Variants in LGR5 observed in about 807,000 individuals in gnomAD.
LGR5 encodes leucine-rich repeat-containing G protein-coupled receptor 5.
LGR5 carries 54 observed loss-of-function variants against 76.7 expected under a neutral mutation model. That is an observed-to-expected ratio of 0.70 (90% CI 0.57 to 0.88). The LOEUF (loss-of-function observed/expected upper bound fraction) is 0.88. Among genes scored for constraint, LGR5 ranks in the 40% least tolerant of loss-of-function variants. The pLI is 0.00. For synonymous variants in LGR5, 406 were observed against 421.9 expected (o/e 0.96, Z 0.46); for missense variants, 1,078 against 1,073.3 (o/e 1.00, Z -0.06).
intron 1 of LGR5, among the ~76,000 whole-genome samples, chr12:71,467,655 G>T (rs1872919920): frequency 6.6e-6 from 1 of 152,144 alleles, no homozygotes; most frequent in African/African-American, 2.4e-5. Context: ...TAGAATGATG[G>T]TAGAGATCAA....
intron 17 of LGR5, 182 bp from the exon 18 acceptor site, chr12:71,583,465 C>T: frequency 3.0e-6 from 2 of 664,068 alleles, no homozygotes; most frequent in Non-Finnish European, 5.2e-6. Flanking sequence ...CCAGCCAGTG[C>T]TGCAGAAGAT....
intron 11 of LGR5, among the ~76,000 whole-genome samples, chr12:71,569,218 C>G (rs932342651): frequency 1.1e-4 from 16 of 152,190 alleles, no homozygotes; most frequent in African/African-American, 3.9e-4. Context: ...AGAAGAAAAT[C>G]TAGTCAATGT....
chr12:71,458,276 T>C (rs1397868008), intron 1 of LGR5, among the ~76,000 whole-genome samples: 1 of 152,162 alleles, frequency 6.6e-6, no homozygotes, highest in Non-Finnish European at 1.5e-5. Context: ...AAAGTGTGTA[T>C]TTCAAGTCAG....
At chr12:71,445,243 G>A (rs770096106) in intron 1 of LGR5, among the ~76,000 whole-genome samples, 2 of 152,178 alleles carry the variant, frequency 1.3e-5, no homozygotes, top group African/African-American at 2.4e-5. Flanking sequence ...CCTCACTCCA[G>A]TTGCAATATT....
At chr12:71,519,314 G>A (rs527930282) in intron 2 of LGR5, among the ~76,000 whole-genome samples, 3 of 152,134 alleles carry the variant, frequency 2.0e-5, no homozygotes, top group East Asian at 1.9e-4. Flanking sequence ...ATAATAGCAC[G>A]TCACCGCCAC....
chr12:71,557,191 G>A (rs749925913), intron 6 of LGR5, among the ~76,000 whole-genome samples: 3 of 152,192 alleles, frequency 2.0e-5, no homozygotes, highest in South Asian at 2.1e-4. Context: ...AAGCCAATGC[G>A]GGAGGATCGC....
intron 1 of LGR5, among the ~76,000 whole-genome samples, chr12:71,461,921 C>T (rs902527738): frequency 5.3e-5 from 8 of 152,126 alleles, no homozygotes; most frequent in African/African-American, 1.4e-4. Flanking sequence ...AAGAATCCAG[C>T]CTTAAATGCA....
intron 11 of LGR5, among the ~76,000 whole-genome samples, chr12:71,570,225 A>G (rs1032211685): frequency 1.3e-5 from 2 of 152,184 alleles, no homozygotes; most frequent in African/African-American, 2.4e-5. Flanking sequence ...TACCTAGGTG[A>G]TGGGCTGATA....
chr12:71,551,189 C>T (rs1487388046), intron 4 of LGR5, among the ~76,000 whole-genome samples: 1 of 152,184 alleles, frequency 6.6e-6, no homozygotes, highest in Non-Finnish European at 1.5e-5. Context: ...AAATGTGGCC[C>T]AAGGAGGGCC....
intron 4 of LGR5, among the ~76,000 whole-genome samples, chr12:71,544,784 A>C (rs1356293549): frequency 6.6e-6 from 1 of 152,224 alleles, no homozygotes; most frequent in Non-Finnish European, 1.5e-5. Flanking sequence ...ATATATGCAG[A>C]TACAGAACCA....
intron 1 of LGR5, among the ~76,000 whole-genome samples, chr12:71,477,781 A>T (rs753697099): frequency 6.6e-6 from 1 of 152,136 alleles, no homozygotes; most frequent in African/African-American, 2.4e-5. Context: ...GCATGCCCCA[A>T]CTCTAGGGCA....
At chr12:71,543,575 T>A (rs776868023) in intron 4 of LGR5, among the ~76,000 whole-genome samples, 43 of 152,136 alleles carry the variant, frequency 2.8e-4, no homozygotes, top group Non-Finnish European at 5.9e-4. Context: ...GCTTTGAATA[T>A]CAGAATGGAA....
intron 1 of LGR5, among the ~76,000 whole-genome samples, chr12:71,503,891 A>C (rs1019539590): frequency 6.6e-6 from 1 of 151,184 alleles, no homozygotes; most frequent in African/African-American, 2.4e-5. Context: ...AATAGGGGGG[A>C]AAAAAACAGA....
chr12:71,503,569 T>C (rs548338474), intron 1 of LGR5, among the ~76,000 whole-genome samples: 2 of 152,362 alleles, frequency 1.3e-5, no homozygotes, highest in African/African-American at 2.4e-5. Context: ...CCAAGTTATA[T>C]TGTGAATGAA....
At chr12:71,566,934 ATGT>A (rs769349487) in intron 11 of LGR5, 22 bp downstream of exon 11, 1 of 1,577,840 alleles carries the variant, frequency 6.3e-7, no homozygotes, top group East Asian at 2.2e-5. Flanking sequence ...TAAGGCAATA[ATGT>A]TGTGTAAACA....
intron 2 of LGR5, 117 bp downstream of exon 2, chr12:71,504,802 C>T: frequency 3.5e-6 from 3 of 849,782 alleles, no homozygotes; most frequent in Non-Finnish European, 2.0e-6. Flanking sequence ...TCAGCACCAA[C>T]AATTTCAGAA....
In LGR5 at chr12:71,440,209, C is replaced by T; in HGVS notation, c.129C>T (p.Asp43=). 6.2e-7 allele frequency: 1 copy of T among 1,612,924 alleles called. No homozygotes were observed. The change falls in exon 1 of 18, where the codon GAC becomes GAT. Residue 43 remains aspartate, a synonymous_variant. Transcript: ENST00000266674. The surrounding 1 kb of genome is among the most constrained non-coding windows in gnomAD (Gnocchi z 5.3). The stretch of plus-strand genomic sequence containing the variant: ...CCACACACTGTCATTGCGAGCCCGA[C>T]GGCAGGATGTTGCTCAGGGTGGACT... The part of the protein sequence containing the change: ...GCPTHCHCEP[D]GRMLLRVDCS...
intron 12 of LGR5, 100 bp downstream of exon 12, chr12:71,571,679 A>T (rs928816330): frequency 1.4e-5 from 11 of 811,324 alleles, no homozygotes; most frequent in Admixed American, 6.6e-5. Flanking sequence ...CACTGGGGAG[A>T]CATGTGATCC....
chr12:71,467,201 G>T (rs1178740512), intron 1 of LGR5, among the ~76,000 whole-genome samples: 1 of 152,116 alleles, frequency 6.6e-6, no homozygotes, highest in Non-Finnish European at 1.5e-5. Flanking sequence ...AAAGAGATCT[G>T]TCTGATTCCA....
Sources: allele counts gnomAD v4.1 joint callset (sites outside exome capture counted in the v4.1 genomes callset), GRCh38; gene constraint gnomAD v4.1.1; non-coding constraint Gnocchi (gnomAD v3.1); transcripts MANE v1.5; gene names NCBI Gene and HGNC (gene_info 2026-07-23, HGNC 2026-07-21).